MED25: variants seen among roughly 807,000 people sequenced by gnomAD.
MED25 encodes the protein mediator complex subunit 25.
A neutral mutation model predicts 89.4 loss-of-function variants in MED25; 62 were observed. The ratio of observed to expected loss-of-function variants is 0.69; its 90% CI spans 0.57 to 0.86. MED25 has a LOEUF of 0.86. MED25 is among the 40% of genes least tolerant of loss of function. The probability of loss-of-function intolerance (pLI) is 0.00; values close to 1 mark genes in which losing one functional copy is unlikely to be tolerated. For synonymous variants in MED25, 449 were observed against 427.9 expected (o/e 1.05, Z -0.61); for missense variants, 905 against 1,005.2 (o/e 0.90, Z 1.35).
In MED25 at chr19:49,835,410, C is replaced by A; in HGVS notation, c.1675-124C>A. 1 of 1,072,446 alleles carries A rather than the reference C, an allele frequency of 9.3e-7. No individual in the cohort carries two copies. The highest frequency in any genetic ancestry group is 1.4e-6 in the Non-Finnish European group (1 of 740,324). 66.4% of individuals were successfully genotyped at this position (1,072,446 alleles called of 1,614,324 possible). On this transcript the variant is annotated intron_variant, in intron 14 of 17. Coordinates refer to ENST00000312865, the MANE Select transcript of MED25 (RefSeq NM_030973.4). This position sits in a 1 kb window ranked among gnomAD's most constrained non-coding sequence, Gnocchi z 6.2. The stretch of plus-strand genomic sequence containing the variant: ...GGAGTGTACGGCATCCCTCCCAGAC[C>A]ACTCACCCCCAAAGAGAATGTCCCC...
downstream of MED25, chr19:49,840,035 GGGA>G: frequency 6.6e-6 from 1 of 152,330 alleles, no homozygotes; most frequent in East Asian, 1.9e-4. Flanking sequence ...ATCTGTGTTT[GGGA>G]GTACCCACGC....
At chr19:49,828,588 G>C in intron 4 of MED25, 41 bp downstream of exon 4, 1 of 1,509,566 alleles carries the variant, frequency 6.6e-7, no homozygotes. Context: ...GTCTCTCTCT[G>C]CCTGGCCTGG....
At chr19:49,837,112 A>G, downstream of MED25, 1 of 677,620 alleles carries the variant, frequency 1.5e-6, no homozygotes, top group South Asian at 1.6e-5. Context: ...CTCCGTGGTG[A>G]GTCACAGGCA....
Position 49,829,857 on chromosome 19 carries a change from C to T in MED25, c.597C>T (p.Ala199=), listed in dbSNP as rs149788020. The T allele has an allele frequency of 7.4e-6, 12 of 1,612,502 alleles. No individual in the cohort carries two copies. Among genetic ancestry groups the T allele is most frequent in the African/African-American group, 2.7e-5 (2 of 74,894 alleles). The change falls in exon 6 of 18, where the codon GCC becomes GCT. Residue 199 remains alanine (A), a synonymous_variant. Transcript: ENST00000312865. This position sits in a 1 kb window ranked among gnomAD's most constrained non-coding sequence, Gnocchi z 4.6. The part of the protein sequence containing the change: ...PALRLLFEKA[A]PPALLEPLQP... ...TTCGGCTTCTGTTTGAGAAGGCAGC[C>T]CCCCCGGCCTTGCTGGAGCCGCTGC...
chr19:49,819,466 G>A, intron 3 of MED25, 170 bp downstream of exon 3: 1 of 613,302 alleles, frequency 1.6e-6, no homozygotes, highest in African/African-American at 2.0e-5. Context: ...GGGTGGTTGG[G>A]GTCCCTGCGA....
chr19:49,819,503 G>C lies in MED25; in HGVS notation c.305+207G>C, dbSNP rs962278801. 6.7e-6 allele frequency: 4 copies of C among 597,252 alleles called. No individual in the cohort carries two copies. In the African/African-American group the frequency reaches 7.4e-5, roughly 11 times the overall value. The allele number at this position is 597,252 out of a possible 1,614,324, so 37.0% of individuals were successfully genotyped here. A position where few individuals can be genotyped will look rare whatever the true frequency, so the allele number is the denominator to read the frequency against. ...GGGCCGTGAATGAGCGATGGCTTGG[G>C]TTTGAGCTGCAGGAAACATCTCATA... On this transcript the variant is annotated intron_variant, in intron 3 of 17. Coordinates refer to ENST00000312865, the MANE Select transcript of MED25 (RefSeq NM_030973.4).
chr19:49,822,733 C>T (rs1011814529), intron 3 of MED25, among the ~76,000 whole-genome samples: 6 of 150,062 alleles, frequency 4.0e-5, no homozygotes, highest in South Asian at 2.1e-4. Context: ...CTGCAAGCTC[C>T]GCCTCCCGAG....
chr19:49,836,770 G>C lies in MED25; in HGVS notation c.2147-77G>C, dbSNP rs759622408. ...TGTTGGGTCCCCCAAGGGCTGCCTA[G>C]AAAACTTAGTGCCTCTGGGCCCTCC... On this transcript the variant is annotated intron_variant, in intron 17 of 17. Transcript: ENST00000312865. The surrounding 1 kb of genome is among the most constrained non-coding windows in gnomAD (Gnocchi z 5.1). The C allele has an allele frequency of 2.2e-5, 25 of 1,135,880 alleles. No homozygotes were observed. The highest frequency in any genetic ancestry group is 5.0e-5 in the East Asian group (2 of 40,222). The allele number at this position is 1,135,880 out of a possible 1,614,324, so 70.4% of individuals were successfully genotyped here.
Position 49,831,233 on chromosome 19 carries a change from G to T in MED25, c.1102-100G>T, listed in dbSNP as rs548612005. 7.6e-7 allele frequency: 1 copy of T among 1,318,544 alleles called. No individual in the cohort carries two copies. Among genetic ancestry groups the T allele is most frequent in the South Asian group, 1.3e-5 (1 of 76,656 alleles). The allele number at this position is 1,318,544 out of a possible 1,614,324, so 81.7% of individuals were successfully genotyped here. ...CTGTTCTGGGGATGGAGGGGCAGAA[G>T]AAGGGATCTTTCCTCCTTCCTGGTT... On this transcript the variant is annotated intron_variant, in intron 9 of 17. Transcript: ENST00000312865. The surrounding 1 kb of genome is among the most constrained non-coding windows in gnomAD (Gnocchi z 5.0).
At position 49,836,427 on chromosome 19, in the gene MED25, G is replaced by A. The variant is rs1457633644; in HGVS notation, c.2146+21G>A. 7 of 1,568,818 alleles carry A rather than the reference G, an allele frequency of 4.5e-6. No individual in the cohort carries two copies. Among genetic ancestry groups the A allele is most frequent in the Non-Finnish European group, 6.1e-6 (7 of 1,156,534 alleles). On this transcript the variant is annotated intron_variant, in intron 17 of 17. Coordinates refer to ENST00000312865, the MANE Select transcript of MED25 (RefSeq NM_030973.4). The surrounding 1 kb of genome is among the most constrained non-coding windows in gnomAD (Gnocchi z 5.1). ...GCCAGGTAAGGGGACCCGGGGGAGG[G>A]CAGAGGTCTGGACTGAGTGTCCCAG... is the stretch of plus-strand genomic sequence containing the variant.
chr19:49,840,178 T>C (rs1466261411), downstream of MED25: 3 of 152,116 alleles, frequency 2.0e-5, no homozygotes, highest in Admixed American at 2.0e-4. Flanking sequence ...GACATCTCGG[T>C]GTGGAAGGGA....
At chr19:49,819,530 A>G (rs1027822428) in intron 3 of MED25, 3 of 531,378 alleles carry the variant, frequency 5.6e-6, no homozygotes, top group Non-Finnish European at 6.8e-6. Context: ...CATCTCATAC[A>G]TTAAGGGATT....
In MED25 at chr19:49,829,054, A is replaced by G; in HGVS notation, c.489A>G (p.Gly163=). Residue 163 remains glycine (G), a synonymous_variant, in exon 5 of 18, where the codon GGA becomes GGG. Coordinates refer to ENST00000312865, the MANE Select transcript of MED25 (RefSeq NM_030973.4). This position sits in a 1 kb window ranked among gnomAD's most constrained non-coding sequence, Gnocchi z 4.6. ...CTGTTGAGAGCACCACGTACTCTGG[A>G]TGCACAACTGAGAATCTTGTGCAGC... ...LPAVESTTYS[G]CTTENLVQQI... is the part of the protein sequence containing the mutation. The G allele has an allele frequency of 1.2e-6, 2 of 1,613,908 alleles. No homozygotes were observed. Among genetic ancestry groups the G allele is most frequent in the Non-Finnish European group, 1.7e-6 (2 of 1,179,968 alleles).
chr19:49,831,802 G>A lies in MED25; in HGVS notation c.1231-134G>A. On this transcript the variant is annotated intron_variant, in intron 10 of 17. Transcript: ENST00000312865. The surrounding 1 kb of genome is among the most constrained non-coding windows in gnomAD (Gnocchi z 5.0). ...GGAACTGAAGGCTTGCTGGTCTGGA[G>A]GAGGGGCCTGGGGCTCATGGGACTT... The A allele has an allele frequency of 1.2e-6, 1 of 834,306 alleles. No individual in the cohort carries two copies. The highest frequency in any genetic ancestry group is 2.0e-6 in the Non-Finnish European group (1 of 491,064). The allele number at this position is 834,306 out of a possible 1,614,324, so 51.7% of individuals were successfully genotyped here. A position where few individuals can be genotyped will look rare whatever the true frequency, so the allele number is the denominator to read the frequency against.
intron 3 of MED25, among the ~76,000 whole-genome samples, chr19:49,827,214 A>G (rs2123874074): frequency 6.6e-6 from 1 of 152,306 alleles, no homozygotes; most frequent in Non-Finnish European, 1.5e-5. Flanking sequence ...AATGGTGGCA[A>G]CCACAGCTGC....
chr19:49,838,822 T>C (rs1368798144), downstream of MED25: 2 of 445,620 alleles, frequency 4.5e-6, no homozygotes, highest in South Asian at 1.6e-5. Context: ...CAAATGTCAA[T>C]AGGGTTTGTT....
At chr19:49,838,306 GCA>G (rs1166511829), downstream of MED25, 3 of 342,220 alleles carry the variant, frequency 8.8e-6, no homozygotes, top group Non-Finnish European at 1.7e-5. Flanking sequence ...ACACACACAC[GCA>G]CACACACAAA....
chr19:49,835,534 A>G lies in MED25; in HGVS notation c.1675A>G (p.Met559Val). 1 of 1,556,968 alleles carries G rather than the reference A, an allele frequency of 6.4e-7. No individual in the cohort carries two copies. Among genetic ancestry groups the G allele is most frequent in the Non-Finnish European group, 8.7e-7 (1 of 1,151,074 alleles). The change falls in exon 15 of 18, where the codon ATG becomes GTG. Residue 559 changes from methionine to valine, a missense_variant and splice_region_variant. Physicochemically the swap from Met to Val is conservative, Grantham distance 21. Around this residue, in one of 3 missense-constraint regions of MED25, gnomAD observed 271 missense variants for 258.1 expected, o/e 1.05. Transcript: ENST00000312865. The surrounding 1 kb of genome is among the most constrained non-coding windows in gnomAD (Gnocchi z 6.2). ...GACCTGCCCCTCTCTCCCCGTGCAGATGGGGGGACAGCAGGCACCCCCAGG... is the reference window on the plus strand; with the variant it reads ...GACCTGCCCCTCTCTCCCCGTGCAGGTGGGGGGACAGCAGGCACCCCCAGG... The part of the protein sequence containing the change: ...QQKLEQQQRG[M>V]GGQQAPPGLG...
At chr19:49,839,898 T>C (rs994411957), downstream of MED25, 29 of 152,234 alleles carry the variant, frequency 1.9e-4, no homozygotes, top group Admixed American at 5.2e-4. Flanking sequence ...TGTTGGCAGA[T>C]GTTTCTTGTG....
Sources: gnomAD v4.1 joint callset for allele counts (sites outside exome capture counted in the v4.1 genomes callset) on GRCh38, gnomAD v4.1.1 for gene constraint, gnomAD v4.1.1 regional missense constraint, Gnocchi (gnomAD v3.1) non-coding constraint, MANE v1.5 for transcripts, NCBI Gene and HGNC (gene_info 2026-07-23, HGNC 2026-07-21) for gene names.